The following COLQ variants were observed in gnomAD, a reference collection of about 807,000 sequenced individuals.
COLQ encodes acetylcholinesterase collagenic tail peptide.
Under a neutral mutation model 69.0 loss-of-function variants are expected in COLQ, and 48 were observed. That is an observed-to-expected ratio of 0.70 (90% CI 0.55 to 0.88). COLQ has a LOEUF of 0.88. Among genes scored for constraint, COLQ ranks in the 40% least tolerant of loss-of-function variants. The pLI, the probability that COLQ is intolerant of heterozygous loss-of-function variation, is 0.00. For missense variants in COLQ, 618 were observed against 594.6 expected, an observed-to-expected ratio of 1.04 and a Z score of -0.41; for synonymous variants, 217 against 211.2, an observed-to-expected ratio of 1.03 and a Z score of -0.24.
chr3:15,518,460 C>T (rs2063091450), intron 1 of COLQ, among the ~76,000 whole-genome samples: 1 of 152,118 alleles, frequency 6.6e-6, no homozygotes, highest in Admixed American at 6.5e-5. Flanking sequence ...GAATAAAGGC[C>T]TGAAATAGTT....
Position 15,455,942 on chromosome 3 carries a change from C to T in COLQ, c.1152G>A (p.Glu384=), listed in dbSNP as rs1224836066. The T allele has an allele frequency of 6.2e-7, 1 of 1,614,190 alleles. No individual in the cohort carries two copies. Among genetic ancestry groups the T allele is most frequent in the African/African-American group, 1.3e-5 (1 of 75,044 alleles). Residue 384 remains glutamate (E), a synonymous_variant, in exon 15 of 17, where the codon GAG becomes GAA. Transcript: ENST00000383788. ...CATCGCTGTTACCGTCGTCACACTC[C>T]TCCCCAGGCTGCAGGAGCCCATCCC... is the stretch of plus-strand genomic sequence containing the variant. The part of the protein sequence containing the change: ...TCGDGLLQPG[E]ECDDGNSDVG...
At chr3:15,518,534 TG>T (rs1215256110) in intron 1 of COLQ, among the ~76,000 whole-genome samples, 1 of 152,214 alleles carries the variant, frequency 6.6e-6, no homozygotes, top group African/African-American at 2.4e-5. Flanking sequence ...TGGCCTCTGA[TG>T]TTTTTTGCTC....
intron 10 of COLQ, among the ~76,000 whole-genome samples, chr3:15,471,296 T>C (rs2062282556): frequency 6.6e-6 from 1 of 152,206 alleles, no homozygotes; most frequent in Non-Finnish European, 1.5e-5. Flanking sequence ...ATGGAAACAA[T>C]ATTCCTGTTT....
intron 12 of COLQ, among the ~76,000 whole-genome samples, chr3:15,465,328 G>T (rs962181325): frequency 6.8e-6 from 1 of 146,854 alleles, no homozygotes; most frequent in Non-Finnish European, 1.5e-5. Flanking sequence ...GTGCAGTTGC[G>T]CGATCTCGAC....
chr3:15,466,080 G>A (rs941609865), intron 12 of COLQ, among the ~76,000 whole-genome samples: 2 of 152,116 alleles, frequency 1.3e-5, no homozygotes, highest in African/African-American at 4.8e-5. Flanking sequence ...TTCACTTAAG[G>A]TATAAATGAC....
chr3:15,488,480 A>G (rs539045021), intron 2 of COLQ, among the ~76,000 whole-genome samples, 173 bp from the exon 3 acceptor site: 6 of 152,242 alleles, frequency 3.9e-5, no homozygotes, highest in African/African-American at 1.2e-4. Flanking sequence ...CTGTTCTCTC[A>G]TCTGCTCTTG....
chr3:15,492,313 A>G (rs2062680549), intron 1 of COLQ, among the ~76,000 whole-genome samples: 1 of 152,208 alleles, frequency 6.6e-6, no homozygotes, highest in South Asian at 2.1e-4. Context: ...ATAAAGCACA[A>G]CCATTACTCC....
At chr3:15,471,860 G>A (rs1041910684) in intron 10 of COLQ, among the ~76,000 whole-genome samples, 1 of 152,202 alleles carries the variant, frequency 6.6e-6, no homozygotes, top group Non-Finnish European at 1.5e-5. Context: ...CGTGTGAGAG[G>A]ATAGGATGGA....
intron 9 of COLQ, 48 bp from the exon 10 acceptor site, chr3:15,474,083 T>C (rs767896697): frequency 6.2e-7 from 1 of 1,612,772 alleles, no homozygotes; most frequent in South Asian, 1.1e-5. Context: ...AAATAACACC[T>C]GAAATGGCTG....
At chr3:15,479,454 G>A (rs368830016) in intron 3 of COLQ, 72 bp from the exon 4 acceptor site, 1 of 1,412,126 alleles carries the variant, frequency 7.1e-7, no homozygotes, top group African/African-American at 1.4e-5. Flanking sequence ...GGCTCTTGGT[G>A]CACTGGGCTC....
At chr3:15,452,342 C>T (rs1397887600) in intron 16 of COLQ, among the ~76,000 whole-genome samples, 1 of 152,208 alleles carries the variant, frequency 6.6e-6, no homozygotes, top group Non-Finnish European at 1.5e-5. Context: ...TCTGGAATTA[C>T]AGGCGTGAGT....
At chr3:15,478,546 A>G (rs1291213597) in intron 5 of COLQ, 3 of 254,578 alleles carry the variant, frequency 1.2e-5, no homozygotes, top group African/African-American at 2.2e-5. Flanking sequence ...ACCTCCATTT[A>G]TTTCAGCTGA....
At chr3:15,498,800 C>G (rs2062788972) in intron 1 of COLQ, 1 of 1,481,462 alleles carries the variant, frequency 6.8e-7, no homozygotes, top group Non-Finnish European at 8.9e-7. Context: ...GGCAGCCCTG[C>G]TCCAGCTGCC....
chr3:15,458,779 C>T (rs770936738), intron 12 of COLQ, among the ~76,000 whole-genome samples: 3 of 152,034 alleles, frequency 2.0e-5, no homozygotes, highest in Admixed American at 6.5e-5. Flanking sequence ...GGCTTCTTGC[C>T]GACAAACACA....
intron 1 of COLQ, among the ~76,000 whole-genome samples, chr3:15,495,141 A>G (rs914350287): frequency 1.3e-5 from 2 of 152,232 alleles, no homozygotes; most frequent in Non-Finnish European, 2.9e-5. Context: ...TGGAGCTTCA[A>G]GTCCCATAAC....
chr3:15,498,829 G>C (rs1282269004), intron 1 of COLQ: 2 of 1,432,340 alleles, frequency 1.4e-6, no homozygotes, highest in African/African-American at 2.8e-5. Context: ...CTGCTGTAGG[G>C]GAGGCTTGGA....
At chr3:15,518,787 T>A (rs1211597343) in intron 1 of COLQ, among the ~76,000 whole-genome samples, 2 of 152,260 alleles carry the variant, frequency 1.3e-5, no homozygotes, top group African/African-American at 4.8e-5. Flanking sequence ...GATCATGGAA[T>A]CCCTCAGAGC....
At chr3:15,516,025 C>G (rs904992239) in intron 1 of COLQ, among the ~76,000 whole-genome samples, 1 of 152,098 alleles carries the variant, frequency 6.6e-6, no homozygotes, top group Admixed American at 6.5e-5. Context: ...AGTCTCCCAC[C>G]TCTCACACCC....
intron 1 of COLQ, among the ~76,000 whole-genome samples, chr3:15,511,814 C>T (rs557424482): frequency 7.2e-5 from 11 of 152,218 alleles, no homozygotes; most frequent in African/African-American, 1.4e-4. Context: ...CCAGTAAGGA[C>T]GGTCTCAGAA....
Sources: gnomAD v4.1 joint callset for allele counts (sites outside exome capture counted in the v4.1 genomes callset) on GRCh38, gnomAD v4.1.1 for gene constraint, MANE v1.5 for transcripts, NCBI Gene and HGNC (gene_info 2026-07-23, HGNC 2026-07-21) for gene names.